ZNF827: variants seen among roughly 807,000 people sequenced by gnomAD.
ZNF827 encodes the protein zinc finger protein 827.
Under a neutral mutation model 102.4 loss-of-function variants are expected in ZNF827, and 13 were observed. The ratio of observed to expected loss-of-function variants is 0.13; its 90% CI spans 0.08 to 0.20. The LOEUF is 0.20. Among genes scored for constraint, ZNF827 ranks in the 10% least tolerant of loss-of-function variants. ZNF827 has a pLI of 1.00. For missense variants in ZNF827, 1,103 were observed against 1,344.4 expected, an observed-to-expected ratio of 0.82 and a Z score of 2.81; for synonymous variants, 523 against 536.2, an observed-to-expected ratio of 0.98 and a Z score of 0.34.
chr4:145,768,759 G>T (rs182809286), intron 11 of ZNF827, among the ~76,000 whole-genome samples: 2 of 145,590 alleles, frequency 1.4e-5, no homozygotes, highest in South Asian at 4.5e-4. Context: ...TTGGGAGGGT[G>T]AGGCAGGAGA....
intron 1 of ZNF827, among the ~76,000 whole-genome samples, chr4:145,925,168 C>T (rs1476400217): frequency 1.3e-5 from 2 of 152,138 alleles, no homozygotes; most frequent in African/African-American, 4.8e-5. Flanking sequence ...AGGAAAGACC[C>T]ATCCGCATGA....
intron 5 of ZNF827, among the ~76,000 whole-genome samples, chr4:145,869,664 T>G (rs1391180622): frequency 6.6e-6 from 1 of 152,192 alleles, no homozygotes; most frequent in African/African-American, 2.4e-5. Flanking sequence ...TCCCTACATT[T>G]AATACGCTGA....
chr4:145,934,986 C>A (rs1754056576), intron 1 of ZNF827, among the ~76,000 whole-genome samples: 1 of 152,218 alleles, frequency 6.6e-6, no homozygotes, highest in Admixed American at 6.5e-5. Flanking sequence ...CTATTAACCT[C>A]TTTTGTATTT....
At position 145,902,961 on chromosome 4, in the gene ZNF827, G is replaced by A. The variant is rs145520027; in HGVS notation, c.298C>T (p.His100Tyr). 1 of 1,614,160 alleles carries A rather than the reference G, an allele frequency of 6.2e-7. No homozygotes were observed. Among genetic ancestry groups the A allele is most frequent in the Non-Finnish European group, 8.5e-7 (1 of 1,180,034 alleles). Residue 100 changes from histidine to tyrosine, a missense_variant, in exon 2 of 15, where the codon CAC becomes TAC. This residue lies in a region of ZNF827 where 441 missense variants were observed against 458.6 expected (regional missense o/e 0.96). Transcript: ENST00000508784. This position sits in a 1 kb window ranked among gnomAD's most constrained non-coding sequence, Gnocchi z 4.3. ...VLRDSLQCQD[H>Y]LSPGVSSLCD... is the part of the protein sequence containing the mutation. The stretch of plus-strand genomic sequence containing the variant: ...AAAGAAGACACTCCCGGGGAAAGGT[G>A]ATCTTGACACTGCAGTGAGTCTCGC...
chr4:145,927,889 A>T (rs1350699449), intron 1 of ZNF827, among the ~76,000 whole-genome samples: 1 of 152,096 alleles, frequency 6.6e-6, no homozygotes, highest in Non-Finnish European at 1.5e-5. Context: ...TGAGTAATGT[A>T]CTGTTTTCCG....
intron 2 of ZNF827, among the ~76,000 whole-genome samples, chr4:145,899,056 T>A (rs1020702640): frequency 2.0e-5 from 3 of 152,202 alleles, no homozygotes; most frequent in Non-Finnish European, 2.9e-5. Context: ...GGGCGGTTAT[T>A]ATTTGTTTAC....
At position 145,775,909 on chromosome 4, in the gene ZNF827, G is replaced by C; in HGVS notation, c.2573C>G (p.Ala858Gly). 1 of 1,614,182 alleles carries C rather than the reference G, an allele frequency of 6.2e-7. No homozygotes were observed. Among genetic ancestry groups the C allele is most frequent in the Non-Finnish European group, 8.5e-7 (1 of 1,180,040 alleles). The change falls in exon 10 of 15, where the codon GCA (alanine) becomes GGA (glycine). Residue 858 changes from alanine to glycine, a missense_variant. Around this residue, in one of 5 missense-constraint regions of ZNF827, gnomAD observed 242 missense variants for 361.9 expected, o/e 0.67. Coordinates refer to ENST00000508784, the MANE Select transcript of ZNF827 (RefSeq NM_001306215.2). Reference sequence around the variant, plus strand: ...GACGGTCAAGTGCTGGTTCAGATTTGCACGGCACTTAGCAGCATAGGGGCA... The same window carrying C: ...GACGGTCAAGTGCTGGTTCAGATTTCCACGGCACTTAGCAGCATAGGGGCA... ...HLCPYAAKCR[A>G]NLNQHLTVHS...
chr4:145,852,745 TCTAA>T (rs1429267841), intron 5 of ZNF827, among the ~76,000 whole-genome samples: 3 of 152,220 alleles, frequency 2.0e-5, no homozygotes, highest in African/African-American at 7.2e-5. Flanking sequence ...AGCATTATCC[TCTAA>T]CTTTTATTTA....
chr4:145,877,251 G>C (rs889382136), intron 4 of ZNF827, among the ~76,000 whole-genome samples: 2 of 152,102 alleles, frequency 1.3e-5, no homozygotes, highest in South Asian at 2.1e-4. Flanking sequence ...ATCACAAGCC[G>C]GTGCGGTTCT....
intron 8 of ZNF827, among the ~76,000 whole-genome samples, chr4:145,792,593 G>C (rs1739861296): frequency 6.6e-6 from 1 of 151,942 alleles, no homozygotes; most frequent in African/African-American, 2.4e-5. Flanking sequence ...CAGTGGCATG[G>C]TCACAGCTAA....
At chr4:145,844,573 G>A (rs1036241463) in intron 7 of ZNF827, among the ~76,000 whole-genome samples, 3 of 151,592 alleles carry the variant, frequency 2.0e-5, no homozygotes, top group Non-Finnish European at 1.5e-5. Flanking sequence ...CCAGCTACTC[G>A]GGAGGCTGAG....
intron 7 of ZNF827, among the ~76,000 whole-genome samples, chr4:145,837,237 C>CAG (rs1744939063): frequency 6.6e-6 from 1 of 152,132 alleles, no homozygotes; most frequent in Non-Finnish European, 1.5e-5. Flanking sequence ...TATGGTCCTC[C>CAG]GTCTTCAAGA....
intron 8 of ZNF827, among the ~76,000 whole-genome samples, chr4:145,798,753 G>C (rs530650691): frequency 6.6e-6 from 1 of 152,166 alleles, no homozygotes; most frequent in East Asian, 1.9e-4. Flanking sequence ...GAACAGATGA[G>C]GCAGAATTTC....
intron 1 of ZNF827, among the ~76,000 whole-genome samples, chr4:145,932,298 G>T (rs917756418): frequency 6.6e-6 from 1 of 152,174 alleles, no homozygotes; most frequent in Non-Finnish European, 1.5e-5. Flanking sequence ...AGTGACCAGG[G>T]TTAATAACAG....
At position 145,805,567 on chromosome 4, in the gene ZNF827, C is replaced by T. The variant is rs577997027; in HGVS notation, c.2383+17855G>A. On this transcript the variant is annotated intron_variant, in intron 8 of 14. Transcript: ENST00000508784. The stretch of plus-strand genomic sequence containing the variant: ...TGCCTCTTTTATCTTTATGCAGGGC[C>T]TCTCTGTTCCCATTAAGCCTTTCAG... Among the ~76,000 whole-genome samples, 8 of 152,322 alleles carry T rather than the reference C, an allele frequency of 5.3e-5. No homozygotes were observed. In the East Asian group the frequency reaches 1.5e-3, roughly 29 times the overall value.
chr4:145,878,913 G>A (rs1356100471), intron 4 of ZNF827, among the ~76,000 whole-genome samples: 1 of 152,028 alleles, frequency 6.6e-6, no homozygotes, highest in Non-Finnish European at 1.5e-5. Flanking sequence ...CAGGGAGGGA[G>A]CTGGAGGGGC....
At chr4:145,786,109 T>G (rs931496454) in intron 8 of ZNF827, among the ~76,000 whole-genome samples, 3 of 152,210 alleles carry the variant, frequency 2.0e-5, no homozygotes, top group Non-Finnish European at 4.4e-5. Flanking sequence ...GGGGAGCATT[T>G]TTGGTAAAAT....
At chr4:145,815,290 C>T (rs1742490711) in intron 8 of ZNF827, among the ~76,000 whole-genome samples, 1 of 152,212 alleles carries the variant, frequency 6.6e-6, no homozygotes, top group African/African-American at 2.4e-5. Flanking sequence ...ACACTGGCCA[C>T]ACTTTTGCAT....
intron 4 of ZNF827, 119 bp from the exon 5 acceptor site, chr4:145,870,597 A>G: frequency 1.1e-6 from 1 of 870,712 alleles, no homozygotes; most frequent in Non-Finnish European, 1.8e-6. Context: ...CGGAGGGATC[A>G]CAACCTCATC....
Sources: gnomAD v4.1 joint callset for allele counts (sites outside exome capture counted in the v4.1 genomes callset) on GRCh38, gnomAD v4.1.1 for gene constraint, gnomAD v4.1.1 regional missense constraint, Gnocchi (gnomAD v3.1) non-coding constraint, MANE v1.5 for transcripts, NCBI Gene and HGNC (gene_info 2026-07-23, HGNC 2026-07-21) for gene names.